CDK19: variants seen among roughly 807,000 people sequenced by gnomAD.
CDK19 encodes cyclin-dependent kinase 19.
A neutral mutation model predicts 68.3 loss-of-function variants in CDK19; 20 were observed. The observed-to-expected ratio is 0.29, with a 90% CI of 0.21 to 0.43. The LOEUF is 0.43. Among genes scored for constraint, CDK19 ranks in the 20% least tolerant of loss-of-function variants. The pLI is 1.00. For synonymous variants in CDK19, 221 were observed against 222.8 expected (o/e 0.99, Z 0.07); for missense variants, 339 against 623.5 (o/e 0.54, Z 4.86).
chr6:110,743,268 T>C (rs184287498), intron 2 of CDK19, among the ~76,000 whole-genome samples: 5 of 152,296 alleles, frequency 3.3e-5, no homozygotes, highest in Non-Finnish European at 2.9e-5. Context: ...GGGTTAAGTA[T>C]TTAGAGTACT....
intron 1 of CDK19, among the ~76,000 whole-genome samples, chr6:110,766,104 C>T (rs757889040): frequency 3.3e-5 from 5 of 152,058 alleles, no homozygotes; most frequent in Non-Finnish European, 7.4e-5. Flanking sequence ...TTGGTATATA[C>T]CCAAAGGAAA....
intron 2 of CDK19, among the ~76,000 whole-genome samples, chr6:110,733,157 C>A (rs9487502): frequency 2.6e-5 from 4 of 152,144 alleles, no homozygotes; most frequent in Non-Finnish European, 4.4e-5. Context: ...TATCACAATA[C>A]GTATTTCTGT....
At chr6:110,710,130 C>T (rs916327466) in intron 2 of CDK19, among the ~76,000 whole-genome samples, 2 of 152,088 alleles carry the variant, frequency 1.3e-5, no homozygotes, top group African/African-American at 2.4e-5. Flanking sequence ...AGAAGAAAGG[C>T]GGCTCATGAC....
At chr6:110,698,700 T>C (rs952648322) in intron 2 of CDK19, among the ~76,000 whole-genome samples, 20 of 152,146 alleles carry the variant, frequency 1.3e-4, no homozygotes, top group African/African-American at 4.8e-4. Context: ...GGCAGCTGCA[T>C]ACATATGTTT....
At chr6:110,659,076 A>G (rs1781469222) in intron 4 of CDK19, among the ~76,000 whole-genome samples, 1 of 152,200 alleles carries the variant, frequency 6.6e-6, no homozygotes, top group Non-Finnish European at 1.5e-5. Flanking sequence ...TATCTTAAGG[A>G]CTAAGTAAGG....
At chr6:110,648,256 AG>A (rs2114846312) in intron 4 of CDK19, among the ~76,000 whole-genome samples, 1 of 152,348 alleles carries the variant, frequency 6.6e-6, no homozygotes, top group East Asian at 1.9e-4. Context: ...CAGAAACAAA[AG>A]TATTATTATT....
intron 2 of CDK19, among the ~76,000 whole-genome samples, chr6:110,706,050 T>C (rs1244444209): frequency 1.3e-5 from 2 of 152,178 alleles, no homozygotes; most frequent in South Asian, 4.2e-4. Flanking sequence ...CTGTTTTGTT[T>C]TCTTGTTTGT....
Position 110,680,690 on chromosome 6 carries a change from T to C in CDK19, c.205-10149A>G, listed in dbSNP as rs1295847896. Among the ~76,000 whole-genome samples the C allele has an allele frequency of 3.3e-5, 5 of 152,184 alleles. No homozygotes were observed. In the East Asian group the frequency reaches 7.7e-4, roughly 23 times the overall value. ...ATTACTCGAGGAAAGACTATAACGT[T>C]GTGATATAATGTAAAAGGACCACAG... is the stretch of plus-strand genomic sequence containing the variant. On this transcript the variant is annotated intron_variant, in intron 2 of 12. Coordinates refer to ENST00000368911, the MANE Select transcript of CDK19 (RefSeq NM_015076.5).
At chr6:110,767,631 C>A (rs1779686619) in intron 1 of CDK19, among the ~76,000 whole-genome samples, 1 of 151,906 alleles carries the variant, frequency 6.6e-6, no homozygotes, top group Non-Finnish European at 1.5e-5. Flanking sequence ...GCTGGGATTA[C>A]TGGTGTGAGC....
intron 2 of CDK19, among the ~76,000 whole-genome samples, chr6:110,718,136 C>A (rs1002858056): frequency 6.6e-6 from 1 of 152,248 alleles, no homozygotes; most frequent in Middle Eastern, 3.4e-3. Flanking sequence ...ATTTCTGTTG[C>A]CTGTAAGTTA....
intron 1 of CDK19, chr6:110,814,696 A>C (rs992865898): frequency 4.4e-5 from 25 of 566,532 alleles, no homozygotes; most frequent in Non-Finnish European, 6.4e-5. Context: ...ACTAGACCCC[A>C]CAAACTCCTC....
chr6:110,772,385 TTCAAATTATC>T (rs1780081533), intron 1 of CDK19, among the ~76,000 whole-genome samples: 2 of 151,998 alleles, frequency 1.3e-5, no homozygotes, highest in East Asian at 3.9e-4. Flanking sequence ...GCCCCCTTAA[TTCAAATTATC>T]TCCCACCGAG....
intron 2 of CDK19, among the ~76,000 whole-genome samples, chr6:110,675,308 T>C (rs1771408539): frequency 6.6e-6 from 1 of 152,164 alleles, no homozygotes; most frequent in South Asian, 2.1e-4. Context: ...TCATTTACCA[T>C]TCTGAAAATC....
At chr6:110,721,706 C>T (rs1425049592) in intron 2 of CDK19, among the ~76,000 whole-genome samples, 1 of 152,174 alleles carries the variant, frequency 6.6e-6, no homozygotes, top group Non-Finnish European at 1.5e-5. Flanking sequence ...CAGCTCACGC[C>T]TGTAATCCCA....
chr6:110,799,124 T>TA (rs1782166419), intron 1 of CDK19, among the ~76,000 whole-genome samples: 1 of 106,708 alleles, frequency 9.4e-6, no homozygotes, highest in South Asian at 3.1e-4. Context: ...AACTGGGTGT[T>TA]AAGAGTAAAA....
chr6:110,734,447 G>GTTT (rs1386170137), intron 2 of CDK19, among the ~76,000 whole-genome samples: 2 of 150,946 alleles, frequency 1.3e-5, no homozygotes, highest in Non-Finnish European at 2.9e-5. Context: ...AATAACTACA[G>GTTT]TTTGGTAGGC....
At chr6:110,671,950 G>A (rs1018155068) in intron 2 of CDK19, among the ~76,000 whole-genome samples, 2 of 152,056 alleles carry the variant, frequency 1.3e-5, no homozygotes, top group Non-Finnish European at 2.9e-5. Flanking sequence ...GCTAATTTTT[G>A]TATTTTTAGT....
chr6:110,730,463 C>T (rs530453697), intron 2 of CDK19, among the ~76,000 whole-genome samples: 63 of 152,282 alleles, frequency 4.1e-4, no homozygotes, highest in African/African-American at 1.3e-3. Context: ...GCTTTCTTTA[C>T]TATTTGATTT....
intron 4 of CDK19, chr6:110,646,082 G>C (rs1392405345): frequency 6.9e-6 from 6 of 865,538 alleles, no homozygotes; most frequent in Non-Finnish European, 1.1e-5. Flanking sequence ...ACCTGCTGCA[G>C]TTTGTGGCTA....
Sources: allele counts gnomAD v4.1 joint callset (sites outside exome capture counted in the v4.1 genomes callset), GRCh38; gene constraint gnomAD v4.1.1; transcripts MANE v1.5; gene names NCBI Gene and HGNC (gene_info 2026-07-23, HGNC 2026-07-21).